Variants in ADARB1 observed in about 807,000 individuals in gnomAD.
The protein encoded by ADARB1 is adenosine deaminase RNA specific B1, also known as double-stranded RNA-specific editase 1.
In ADARB1, 10 loss-of-function variants were observed where a neutral mutation model predicts 52.4. That is an observed-to-expected ratio of 0.19 (90% CI 0.12 to 0.32). The LOEUF (loss-of-function observed/expected upper bound fraction) is 0.32, where lower values mean the gene tolerates loss of function less well. ADARB1 is among the 10% of genes least tolerant of loss of function. The probability of loss-of-function intolerance (pLI) is 1.00; values close to 1 mark genes in which losing one functional copy is unlikely to be tolerated. For synonymous variants in ADARB1, 349 were observed against 371.1 expected (o/e 0.94, Z 0.68); for missense variants, 643 against 922.3 (o/e 0.70, Z 3.92).
At position 45,225,410 on chromosome 21, in the gene ADARB1, A is replaced by G. The variant is rs1408830991; in HGVS notation, c.*3213A>G. On this transcript the variant is annotated 3_prime_UTR_variant, in exon 11 of 11. Transcript: ENST00000348831. ...TTTGTAATTAAAAGCAATTATTTTAAAATGTGCAAGCCAGTATCTCACAAG... is the reference window on the plus strand; with the variant it reads ...TTTGTAATTAAAAGCAATTATTTTAGAATGTGCAAGCCAGTATCTCACAAG... 7.7e-7 allele frequency: 1 copy of G among 1,294,998 alleles called. No homozygotes were observed. The highest frequency in any genetic ancestry group is 9.8e-7 in the Non-Finnish European group (1 of 1,019,510). The allele number at this position is 1,294,998 out of a possible 1,614,324, so 80.2% of individuals were successfully genotyped here.
rs551995418 is a variant in ADARB1 at position 45,147,602 on chromosome 21, A to G, written c.-48+19029A>G. Reference sequence around the variant, plus strand: ...CACGCCTCTTTTACCAAAATGGGTCATCTTATCTGTCTCAGGCCAGGCCCC... The same window carrying G: ...CACGCCTCTTTTACCAAAATGGGTCGTCTTATCTGTCTCAGGCCAGGCCCC... On this transcript the variant is annotated intron_variant, in intron 2 of 10. Transcript: ENST00000348831. 1.1e-4 allele frequency among the ~76,000 whole-genome samples: 17 copies of G among 152,302 alleles called. No individual in the cohort carries two copies. The East Asian group carries it at 3.1e-3, about 28-fold the overall frequency.
chr21:45,161,795 G>A (rs2104812), intron 2 of ADARB1, among the ~76,000 whole-genome samples: 23,941 of 152,058 alleles, frequency 0.16, 1,967 homozygotes, highest in East Asian at 0.29. Flanking sequence ...GGGCTCACCC[G>A]TGACTGCCCA....
In ADARB1 at chr21:45,226,468, C is replaced by G. The variant is rs2093060569; in HGVS notation, c.*4271C>G. ...CACGTTACAACTGCATGAGCTTCCT[C>G]TCGCACAAGACCAGCTGGAACTGAG... On this transcript the variant is annotated 3_prime_UTR_variant, in exon 11 of 11. Transcript: ENST00000348831. The G allele has an allele frequency of 6.6e-6, 1 of 152,670 alleles. No individual in the cohort carries two copies. The highest frequency in any genetic ancestry group is 6.5e-5 in the Admixed American group (1 of 15,290). 9.5% of individuals were successfully genotyped at this position (152,670 alleles called of 1,614,324 possible).
At chr21:45,183,308 A>G in intron 6 of ADARB1, 54 bp from the exon 7 acceptor site, 1 of 1,507,524 alleles carries the variant, frequency 6.6e-7, no homozygotes, top group Non-Finnish European at 8.9e-7. Flanking sequence ...TGATAGACTA[A>G]AATTTAACTA....
intron 5 of ADARB1, 58 bp downstream of exon 5, chr21:45,180,502 A>C: frequency 7.1e-7 from 1 of 1,407,352 alleles, no homozygotes; most frequent in Non-Finnish European, 1.0e-6. Flanking sequence ...CAAATGTGAA[A>C]TGTTCTCAAT....
In ADARB1 at chr21:45,125,962, G is replaced by T. The variant is rs78817548; in HGVS notation, c.-219-2440G>T. Reference sequence around the variant, plus strand: ...CTAGCTTGAGCACCGAGCTATAAAGGTCCCTCTGATGTACTGCTTTATCTG... The same window carrying T: ...CTAGCTTGAGCACCGAGCTATAAAGTTCCCTCTGATGTACTGCTTTATCTG... On this transcript the variant is annotated intron_variant, in intron 1 of 10. Transcript: ENST00000348831. Among the ~76,000 whole-genome samples the T allele has an allele frequency of 2.5e-3, 383 of 152,258 alleles. 3 individuals carry two copies. Among genetic ancestry groups the T allele is most frequent in the Admixed American group, 9.5e-3 (146 of 15,300 alleles).
rs1003744582 is a variant in ADARB1, at chr21:45,167,132, T to C, written c.-47-4478T>C. The stretch of plus-strand genomic sequence containing the variant: ...CTCTGCAAGAGATTTGTAGCTCCCA[T>C]TCTTAATGTGGGCGGTACCTGCAGG... On this transcript the variant is annotated intron_variant, in intron 2 of 10. Coordinates refer to ENST00000348831, the MANE Select transcript of ADARB1 (RefSeq NM_001112.4). Among the ~76,000 whole-genome samples, 7 of 152,372 alleles carry C rather than the reference T, an allele frequency of 4.6e-5. No homozygotes were observed. In the East Asian group the frequency reaches 1.3e-3, roughly 29 times the overall value.
At chr21:45,199,900 G>A (rs367673541) in intron 8 of ADARB1, among the ~76,000 whole-genome samples, 6 of 152,288 alleles carry the variant, frequency 3.9e-5, no homozygotes, top group East Asian at 1.9e-4. Flanking sequence ...TGCAGGAGTC[G>A]GGGCTCATGG....
At chr21:45,214,950 G>T (rs527784044) in intron 9 of ADARB1, among the ~76,000 whole-genome samples, 1 of 152,306 alleles carries the variant, frequency 6.6e-6, no homozygotes, top group South Asian at 2.1e-4. Flanking sequence ...ATGTTGAGTA[G>T]AAGTGATGAC....
At chr21:45,105,186 T>C (rs422205) in intron 1 of ADARB1, among the ~76,000 whole-genome samples, 144,039 of 152,230 alleles carry the variant, frequency 0.95, 68,193 homozygotes, top group East Asian at 0.98. Flanking sequence ...CCAAAACCTC[T>C]ACCTCCTGGG....
At chr21:45,136,815 G>C (rs2089414698) in intron 2 of ADARB1, among the ~76,000 whole-genome samples, 1 of 152,236 alleles carries the variant, frequency 6.6e-6, no homozygotes, top group African/African-American at 2.4e-5. Flanking sequence ...CTGGTAGGTA[G>C]GTGTGGAACA....
chr21:45,077,933 C>CAGCG (rs2086008798), intron 1 of ADARB1, among the ~76,000 whole-genome samples: 1 of 152,194 alleles, frequency 6.6e-6, no homozygotes, highest in African/African-American at 2.4e-5. Flanking sequence ...TGGACAGGGA[C>CAGCG]AGCGCAGTAG....
Position 45,221,709 on chromosome 21 carries a change from C to T in ADARB1, c.1927-309C>T, listed in dbSNP as rs1038321058. Among the ~76,000 whole-genome samples, 2 of 152,186 alleles carry T rather than the reference C, an allele frequency of 1.3e-5. No individual in the cohort carries two copies. The highest frequency in any genetic ancestry group is 2.9e-5 in the Non-Finnish European group (2 of 68,042). ...GATGACACACATAACATCCGTGGTG[C>T]TTCTTAGAGTTAAAAATGAAACGTG... is the stretch of plus-strand genomic sequence containing the variant. On this transcript the variant is annotated intron_variant, in intron 10 of 10. Transcript: ENST00000348831. This position sits in a 1 kb window ranked among gnomAD's most constrained non-coding sequence, Gnocchi z 4.9.
At chr21:45,193,241 A>ACTT (rs2092346206) in intron 8 of ADARB1, among the ~76,000 whole-genome samples, 3 of 152,260 alleles carry the variant, frequency 2.0e-5, no homozygotes, top group Non-Finnish European at 2.9e-5. Context: ...GGGCTATCCC[A>ACTT]GGAATTCCAA....
Position 45,204,681 on chromosome 21 carries a change from C to T in ADARB1, c.1692C>T (p.Ile564=). 1 of 1,613,862 alleles carries T rather than the reference C, an allele frequency of 6.2e-7. No homozygotes were observed. The highest frequency in any genetic ancestry group is 8.5e-7 in the Non-Finnish European group (1 of 1,179,934). The change falls in exon 9 of 11, where the codon ATC becomes ATT. Residue 564 remains isoleucine, a synonymous_variant. Transcript: ENST00000348831. The surrounding 1 kb of genome is among the most constrained non-coding windows in gnomAD (Gnocchi z 4.4). ...TTTCCAGGGCCATGTACCAGCGGAT[C>T]TCCAACATAGAGGACCTGCCACCTC... The part of the protein sequence containing the change: ...DHLSRAMYQR[I]SNIEDLPPLY...
chr21:45,129,448 A>G (rs1052082996), intron 2 of ADARB1, among the ~76,000 whole-genome samples: 5 of 152,194 alleles, frequency 3.3e-5, no homozygotes, highest in African/African-American at 1.2e-4. Context: ...GATGAGGGGA[A>G]AGAGAAGGTG....
chr21:45,075,370 C>T (rs772167192), intron 1 of ADARB1, among the ~76,000 whole-genome samples: 95 of 150,508 alleles, frequency 6.3e-4, no homozygotes, highest in Non-Finnish European at 1.1e-3. Flanking sequence ...AGGCTGGGCC[C>T]GGGCAGGGGA....
At chr21:45,115,225 G>C (rs541433385) in intron 1 of ADARB1, among the ~76,000 whole-genome samples, 6 of 152,234 alleles carry the variant, frequency 3.9e-5, no homozygotes, top group Non-Finnish European at 7.3e-5. Context: ...GGCATGAGGA[G>C]GTGGTCTGCT....
At chr21:45,194,274 G>C (rs1286934571) in intron 8 of ADARB1, among the ~76,000 whole-genome samples, 1 of 152,136 alleles carries the variant, frequency 6.6e-6, no homozygotes, top group African/African-American at 2.4e-5. Context: ...TACAATCGAA[G>C]ACACATCATC....
Sources: gnomAD v4.1 joint callset for allele counts (sites outside exome capture counted in the v4.1 genomes callset) on GRCh38, gnomAD v4.1.1 for gene constraint, Gnocchi (gnomAD v3.1) non-coding constraint, MANE v1.5 for transcripts, NCBI Gene and HGNC (gene_info 2026-07-23, HGNC 2026-07-21) for gene names.